PCYT1A: variants seen among roughly 807,000 people sequenced by gnomAD.
PCYT1A encodes phosphate cytidylyltransferase 1A, choline.
In PCYT1A, 25 loss-of-function variants were observed where a neutral mutation model predicts 43.7. The observed-to-expected ratio is 0.57, with a 90% CI of 0.42 to 0.80. PCYT1A has a LOEUF of 0.80. Ranked by LOEUF, PCYT1A falls within the 30% of genes least tolerant of loss-of-function variation. PCYT1A has a pLI of 0.00. For synonymous variants in PCYT1A, 172 were observed against 170.7 expected (o/e 1.01, Z -0.06); for missense variants, 421 against 474.2 (o/e 0.89, Z 1.04).
chr3:196,284,908 A>G (rs1725864163), intron 1 of PCYT1A, among the ~76,000 whole-genome samples: 1 of 152,184 alleles, frequency 6.6e-6, no homozygotes, highest in Admixed American at 6.5e-5. Context: ...CCTTTTAGCT[A>G]TGTAGAATGT....
chr3:196,273,773 G>A lies in PCYT1A; in HGVS notation c.-10-3232C>T, dbSNP rs1212584563. Among the ~76,000 whole-genome samples, 10 of 152,170 alleles carry A rather than the reference G, an allele frequency of 6.6e-5. No homozygotes were observed. Among genetic ancestry groups the A allele is most frequent in the African/African-American group, 2.2e-4 (9 of 41,444 alleles). On this transcript the variant is annotated intron_variant, in intron 1 of 8. Transcript: ENST00000431016. The surrounding 1 kb of genome is among the most constrained non-coding windows in gnomAD (Gnocchi z 4.1). The stretch of plus-strand genomic sequence containing the variant: ...GTCCATGGGCAGCCACAGGCAGCCC[G>A]GAAAAAGCATCGTAAGTTCTCATTC...
rs140101571 is a variant in PCYT1A at position 196,285,460 on chromosome 3, A to AAAATAAAT, written c.-11+2147_-11+2154dup. On this transcript the variant is annotated intron_variant, in intron 1 of 8. Transcript: ENST00000431016. ...GGCAACAGAGTGAGACTCTGTCTCA[A>AAAATAAAT]AAATAAATAAATAAATAAATAAAAT... 1.4e-4 allele frequency among the ~76,000 whole-genome samples: 21 copies of AAAATAAAT among 151,424 alleles called. No homozygotes were observed. In the East Asian group the frequency reaches 2.0e-3, roughly 14 times the overall value.
chr3:196,250,651 C>T (rs1030823213), intron 3 of PCYT1A: 2 of 167,378 alleles, frequency 1.2e-5, no homozygotes, highest in African/African-American at 4.9e-5. Context: ...GGATCAGATA[C>T]ACTATGTTGA....
In PCYT1A at chr3:196,247,715, A is replaced by G; in HGVS notation, c.335-197T>C. 1.4e-6 allele frequency: 1 copy of G among 692,734 alleles called. No individual in the cohort carries two copies. Among genetic ancestry groups the G allele is most frequent in the Non-Finnish European group, 2.6e-6 (1 of 378,666 alleles). The allele number at this position is 692,734 out of a possible 1,614,324, so 42.9% of individuals were successfully genotyped here. Reference sequence around the variant, plus strand: ...GCGTATACCTTCAGGAGCAACACTCACTAAACAGTATGTTCATACTTTGGA... The same window carrying G: ...GCGTATACCTTCAGGAGCAACACTCGCTAAACAGTATGTTCATACTTTGGA... On this transcript the variant is annotated intron_variant, in intron 4 of 8. Coordinates refer to ENST00000431016, the MANE Select transcript of PCYT1A (RefSeq NM_001312673.2). The surrounding 1 kb of genome is among the most constrained non-coding windows in gnomAD (Gnocchi z 4.8).
intron 5 of PCYT1A, among the ~76,000 whole-genome samples, chr3:196,245,711 A>G (rs1250331850): frequency 6.6e-6 from 1 of 152,064 alleles, no homozygotes; most frequent in African/African-American, 2.4e-5. Context: ...AAAGTAAAGA[A>G]TAGGAGGCCG....
chr3:196,261,453 G>A (rs776080815), intron 2 of PCYT1A, among the ~76,000 whole-genome samples: 2 of 152,000 alleles, frequency 1.3e-5, no homozygotes, highest in Non-Finnish European at 2.9e-5. Flanking sequence ...TCAGGAGTTC[G>A]AGACCATCCT....
At chr3:196,269,201 CAAAT>C (rs1343671241) in intron 2 of PCYT1A, among the ~76,000 whole-genome samples, 1 of 152,172 alleles carries the variant, frequency 6.6e-6, no homozygotes, top group Non-Finnish European at 1.5e-5. Flanking sequence ...CAACAGGAAA[CAAAT>C]ATATATACTT....
intron 1 of PCYT1A, among the ~76,000 whole-genome samples, chr3:196,283,155 T>G (rs1268472155): frequency 6.6e-6 from 1 of 152,146 alleles, no homozygotes; most frequent in Non-Finnish European, 1.5e-5. Context: ...CTGGCCCACA[T>G]GATGAAACCC....
In PCYT1A at chr3:196,236,468, G is replaced by A. The variant is rs1181294930; in HGVS notation, c.*2220C>T. On this transcript the variant is annotated 3_prime_UTR_variant, in exon 9 of 9. Coordinates refer to ENST00000431016, the MANE Select transcript of PCYT1A (RefSeq NM_001312673.2). ...CTTCAGCTGTTTCAAAGACAGACAG[G>A]ATTCCAAGCCAAAGCTTGTATGACC... is the stretch of plus-strand genomic sequence containing the variant. The A allele has an allele frequency of 6.6e-6, 1 of 152,224 alleles. No homozygotes were observed. Among genetic ancestry groups the A allele is most frequent in the Admixed American group, 6.5e-5 (1 of 15,288 alleles). 9.4% of individuals were successfully genotyped at this position (152,224 alleles called of 1,614,324 possible). A position where few individuals can be genotyped will look rare whatever the true frequency, so the allele number is the denominator to read the frequency against.
chr3:196,273,551 T>C lies in PCYT1A; in HGVS notation c.-10-3010A>G, dbSNP rs1237834452. Among the ~76,000 whole-genome samples, 1 of 152,160 alleles carries C rather than the reference T, an allele frequency of 6.6e-6. No homozygotes were observed. Among genetic ancestry groups the C allele is most frequent in the Non-Finnish European group, 1.5e-5 (1 of 68,016 alleles). Reference sequence around the variant, plus strand: ...TTCCGCAGCAGGTCGTCCCAGCATCTGTGCAGCCCTCAGCGGAGAGGAGAC... The same window carrying C: ...TTCCGCAGCAGGTCGTCCCAGCATCCGTGCAGCCCTCAGCGGAGAGGAGAC... On this transcript the variant is annotated intron_variant, in intron 1 of 8. Coordinates refer to ENST00000431016, the MANE Select transcript of PCYT1A (RefSeq NM_001312673.2). This position sits in a 1 kb window ranked among gnomAD's most constrained non-coding sequence, Gnocchi z 4.1.
chr3:196,249,522 C>T (rs1724682032), intron 3 of PCYT1A, among the ~76,000 whole-genome samples: 1 of 152,124 alleles, frequency 6.6e-6, no homozygotes, highest in Non-Finnish European at 1.5e-5. Flanking sequence ...CAACAAATAA[C>T]AGAGAACTGT....
intron 5 of PCYT1A, among the ~76,000 whole-genome samples, chr3:196,246,194 C>T (rs1213392095): frequency 6.6e-6 from 1 of 152,150 alleles, no homozygotes; most frequent in Non-Finnish European, 1.5e-5. Context: ...TAAATATCCC[C>T]TCTTCAGGCC....
intron 5 of PCYT1A, among the ~76,000 whole-genome samples, chr3:196,244,782 T>C (rs1724504200): frequency 6.6e-6 from 1 of 152,236 alleles, no homozygotes; most frequent in African/African-American, 2.4e-5. Flanking sequence ...TGTTGATCTG[T>C]GACCTTACCC....
At position 196,238,809 on chromosome 3, in the gene PCYT1A, C is replaced by T. The variant is rs199831548; in HGVS notation, c.983G>A (p.Arg328His). ...QSPSSSPTRE[R>H]SPSPSFRWPF... ...CCATCGGAAAGAGGGGGAGGGGGAG[C>T]GCTCGCGAGTAGGGCTGCTGCTGGG... Residue 328 changes from arginine to histidine, a missense_variant, in exon 9 of 9, where the codon CGC becomes CAC. By Grantham distance (29) the Arg-to-His change is conservative (BLOSUM62 0). Coordinates refer to ENST00000431016, the MANE Select transcript of PCYT1A (RefSeq NM_001312673.2). 2.6e-4 allele frequency: 409 copies of T among 1,577,116 alleles called. 2 individuals carry two copies. Among genetic ancestry groups the T allele is most frequent in the Admixed American group, 6.6e-4 (36 of 54,930 alleles).
chr3:196,283,704 G>C (rs916816744), intron 1 of PCYT1A, among the ~76,000 whole-genome samples: 2 of 152,202 alleles, frequency 1.3e-5, no homozygotes, highest in Non-Finnish European at 2.9e-5. Context: ...GAAAAGAGAG[G>C]TTTAGGACTA....
At position 196,242,631 on chromosome 3, in the gene PCYT1A, C is replaced by T. The variant is rs888459030; in HGVS notation, c.496G>A (p.Val166Ile). The stretch of plus-strand genomic sequence containing the variant: ...GAATAAGGAATATCATCATGGGCTA[C>T]AAAATCAATCTGAAAATAAGGAAAC... ...EFLAEHRIDFVAHDDIPYSSA... is the reference protein window; with the variant it reads ...EFLAEHRIDFIAHDDIPYSSA... The change falls in exon 6 of 9, where the codon GTA becomes ATA. Residue 166 changes from valine (V) to isoleucine (I), a missense_variant. By Grantham distance (29) the Val-to-Ile change is conservative (BLOSUM62 3). Coordinates refer to ENST00000431016, the MANE Select transcript of PCYT1A (RefSeq NM_001312673.2). This position sits in a 1 kb window ranked among gnomAD's most constrained non-coding sequence, Gnocchi z 4.2. 2.5e-6 allele frequency: 4 copies of T among 1,602,364 alleles called. No individual in the cohort carries two copies. The highest frequency in any genetic ancestry group is 1.7e-5 in the Admixed American group (1 of 60,008).
Position 196,252,079 on chromosome 3 carries a change from C to T in PCYT1A, c.218-3756G>A, listed in dbSNP as rs1670521057. Among the ~76,000 whole-genome samples the T allele has an allele frequency of 6.7e-6, 1 of 149,932 alleles. No homozygotes were observed. The highest frequency in any genetic ancestry group is 2.4e-5 in the African/African-American group (1 of 41,140). The stretch of plus-strand genomic sequence containing the variant: ...GCACACCACCACGCCCCGCTGACTA[C>T]AGCGCACCCCGCCACGCCCCGCAGA... On this transcript the variant is annotated intron_variant, in intron 3 of 8. Coordinates refer to ENST00000431016, the MANE Select transcript of PCYT1A (RefSeq NM_001312673.2). This position sits in a 1 kb window ranked among gnomAD's most constrained non-coding sequence, Gnocchi z 4.0.
At chr3:196,255,421 T>G (rs188547758) in intron 3 of PCYT1A, among the ~76,000 whole-genome samples, 8 of 152,344 alleles carry the variant, frequency 5.3e-5, no homozygotes, top group Admixed American at 5.2e-4. Flanking sequence ...CTTTATGTAC[T>G]TAATGAAGAA....
Position 196,270,469 on chromosome 3 carries a change from G to T in PCYT1A, c.63C>A (p.Pro21=), listed in dbSNP as rs1426887563. The change falls in exon 2 of 9, where the codon CCC becomes CCA. Residue 21 remains proline, a synonymous_variant. Transcript: ENST00000431016. The part of the protein sequence containing the change: ...ARKRRKEAPG[P]NGATEEDGVP... The stretch of plus-strand genomic sequence containing the variant: ...CCCCATCTTCTTCTGTTGCCCCGTT[G>T]GGTCCGGGCGCCTCTTTTCTCCTCT... The T allele has an allele frequency of 1.9e-6, 3 of 1,614,000 alleles. No individual in the cohort carries two copies. The highest frequency in any genetic ancestry group is 2.5e-6 in the Non-Finnish European group (3 of 1,179,990).
Sources: allele counts gnomAD v4.1 joint callset (sites outside exome capture counted in the v4.1 genomes callset), GRCh38; gene constraint gnomAD v4.1.1; non-coding constraint Gnocchi (gnomAD v3.1); transcripts MANE v1.5; gene names NCBI Gene and HGNC (gene_info 2026-07-23, HGNC 2026-07-21).